The following PRKG1 variants were observed in gnomAD, a reference collection of about 807,000 sequenced individuals.
PRKG1 encodes protein kinase cGMP-dependent 1, also known as cGMP-dependent protein kinase 1.
A neutral mutation model predicts 88.1 loss-of-function variants in PRKG1; 35 were observed. The ratio of observed to expected loss-of-function variants is 0.40; its 90% CI spans 0.30 to 0.53. PRKG1 has a LOEUF of 0.53. PRKG1 is among the 20% of genes least tolerant of loss of function. The probability of loss-of-function intolerance (pLI) is 0.59; values close to 1 mark genes in which losing one functional copy is unlikely to be tolerated. For synonymous variants in PRKG1, 303 were observed against 292.5 expected (o/e 1.04, Z -0.37); for missense variants, 540 against 839.8 (o/e 0.64, Z 4.41).
intron 5 of PRKG1, among the ~76,000 whole-genome samples, chr10:51,951,027 G>T (rs11596918): frequency 0.11 from 17,025 of 152,270 alleles, 1,207 homozygotes; most frequent in East Asian, 0.35. Flanking sequence ...TAGGTAGTAT[G>T]GGAAAAGACA....
At chr10:51,289,375 G>C (rs889034204) in intron 2 of PRKG1, among the ~76,000 whole-genome samples, 1 of 152,108 alleles carries the variant, frequency 6.6e-6, no homozygotes, top group Non-Finnish European at 1.5e-5. Context: ...ACTGTCATTT[G>C]CTGTGACATT....
At chr10:52,264,774 A>G (rs1049552817) in intron 10 of PRKG1, among the ~76,000 whole-genome samples, 1 of 152,020 alleles carries the variant, frequency 6.6e-6, no homozygotes, top group African/African-American at 2.4e-5. Context: ...ACTTTTTTCC[A>G]GTGTGTGTTC....
chr10:51,945,470 T>C (rs961186729), intron 5 of PRKG1, among the ~76,000 whole-genome samples: 12 of 151,292 alleles, frequency 7.9e-5, no homozygotes, highest in African/African-American at 2.2e-4. Context: ...AAGTTAATAT[T>C]GTTATGTGTG....
intron 5 of PRKG1, among the ~76,000 whole-genome samples, chr10:51,992,631 T>G (rs1383097043): frequency 1.3e-5 from 2 of 152,152 alleles, no homozygotes; most frequent in African/African-American, 2.4e-5. Flanking sequence ...AAATCGTATC[T>G]TTTCTCTAAA....
chr10:51,016,103 G>A (rs1465841434), intron 1 of PRKG1, among the ~76,000 whole-genome samples: 1 of 152,196 alleles, frequency 6.6e-6, no homozygotes, highest in Non-Finnish European at 1.5e-5. Context: ...CTAGAACGCA[G>A]TTTCAGTTGC....
At chr10:51,773,579 T>G (rs961446918) in intron 3 of PRKG1, among the ~76,000 whole-genome samples, 2 of 152,104 alleles carry the variant, frequency 1.3e-5, no homozygotes, top group African/African-American at 4.8e-5. Context: ...GAACAAACCT[T>G]AAGCTTTTTA....
At chr10:51,695,073 A>G (rs2132399647) in intron 3 of PRKG1, among the ~76,000 whole-genome samples, 1 of 152,274 alleles carries the variant, frequency 6.6e-6, no homozygotes, top group African/African-American at 2.4e-5. Flanking sequence ...CTCTAATAAA[A>G]TATTTTGTCC....
chr10:51,186,812 G>T (rs1424817633), intron 2 of PRKG1, among the ~76,000 whole-genome samples: 1 of 151,510 alleles, frequency 6.6e-6, no homozygotes, highest in Non-Finnish European at 1.5e-5. Context: ...ATCTCTTGGT[G>T]CAAGGCACAC....
At chr10:51,976,018 T>C (rs1370712683) in intron 5 of PRKG1, among the ~76,000 whole-genome samples, 4 of 152,018 alleles carry the variant, frequency 2.6e-5, no homozygotes, top group African/African-American at 9.7e-5. Context: ...CAAAAGGTCT[T>C]AAACATCATT....
chr10:52,143,724 A>G (rs904252107), intron 8 of PRKG1, among the ~76,000 whole-genome samples: 3 of 152,092 alleles, frequency 2.0e-5, no homozygotes, highest in Non-Finnish European at 4.4e-5. Context: ...AGGAAGCTGA[A>G]CCCTTTTGTC....
rs1376087691 is a variant in PRKG1, at chr10:52,113,724, A to C, written c.936-20116A>C. Among the ~76,000 whole-genome samples, 4 of 152,278 alleles carry C rather than the reference A, an allele frequency of 2.6e-5. 1 individual carries two copies. In the South Asian group the frequency reaches 8.3e-4, roughly 32 times the overall value. On this transcript the variant is annotated intron_variant, in intron 7 of 17. Transcript: ENST00000373980. The stretch of plus-strand genomic sequence containing the variant: ...ATTGTAAGTCTCATGCTATAGCTGC[A>C]CATAATTAAAATCACTAGGTACCTT...
At chr10:51,737,776 T>TATTA (rs1837327482) in intron 3 of PRKG1, among the ~76,000 whole-genome samples, 1 of 148,262 alleles carries the variant, frequency 6.7e-6, no homozygotes, top group Non-Finnish European at 1.5e-5. Context: ...TTATTATTAT[T>TATTA]TTCTGAGATG....
intron 6 of PRKG1, among the ~76,000 whole-genome samples, chr10:52,056,045 G>A (rs1472144977): frequency 6.6e-6 from 1 of 152,144 alleles, no homozygotes; most frequent in African/African-American, 2.4e-5. Context: ...TCTTTTGACT[G>A]ATCTCTGAAT....
intron 3 of PRKG1, among the ~76,000 whole-genome samples, chr10:51,621,441 C>T (rs1003120603): frequency 6.6e-6 from 1 of 151,960 alleles, no homozygotes; most frequent in East Asian, 1.9e-4. Context: ...AATGTAACTG[C>T]ATTGTCTCAA....
chr10:51,290,068 A>C (rs569126520), intron 2 of PRKG1, among the ~76,000 whole-genome samples: 1 of 152,138 alleles, frequency 6.6e-6, no homozygotes, highest in African/African-American at 2.4e-5. Context: ...TGAGATAAAT[A>C]TACATTCAGA....
intron 5 of PRKG1, among the ~76,000 whole-genome samples, chr10:52,040,291 C>T (rs1194455408): frequency 6.6e-6 from 1 of 152,218 alleles, no homozygotes; most frequent in Admixed American, 6.5e-5. Flanking sequence ...AACTTCAATA[C>T]ATATTTATAC....
rs540962436 is a variant in PRKG1 at position 51,507,307 on chromosome 10, AT to A, written c.592+39472del. ...CCTAAAACTTAAAGTATAAAAAAAA[AT>A]AAAAATAAAAATAAATAAAAAAGAA... On this transcript the variant is annotated intron_variant, in intron 3 of 17. Transcript: ENST00000373980. Among the ~76,000 whole-genome samples, 169 of 152,086 alleles carry A rather than the reference AT, an allele frequency of 1.1e-3. 1 individual carries two copies. The highest frequency in any genetic ancestry group is 3.7e-3 in the African/African-American group (153 of 41,532).
intron 2 of PRKG1, among the ~76,000 whole-genome samples, chr10:51,381,720 G>A (rs1215973364): frequency 1.3e-5 from 2 of 152,134 alleles, no homozygotes; most frequent in East Asian, 3.9e-4. Flanking sequence ...TATACCATGG[G>A]GAAGTTAAGA....
intron 2 of PRKG1, among the ~76,000 whole-genome samples, chr10:51,408,956 C>T (rs7096851): frequency 0.74 from 112,399 of 152,126 alleles, 41,850 homozygotes; most frequent in Non-Finnish European, 0.77. Flanking sequence ...GATTTCTTTG[C>T]CGCCAATTTT....
Sources: allele counts gnomAD v4.1 joint callset (sites outside exome capture counted in the v4.1 genomes callset), GRCh38; gene constraint gnomAD v4.1.1; transcripts MANE v1.5; gene names NCBI Gene and HGNC (gene_info 2026-07-23, HGNC 2026-07-21).